Variants in SLC9A9 observed in about 807,000 individuals in gnomAD.
SLC9A9 encodes the protein solute carrier family 9 member A9, also known as sodium/hydrogen exchanger 9.
In SLC9A9, 62 loss-of-function variants were observed where a neutral mutation model predicts 77.8. That is an observed-to-expected ratio of 0.80 (90% CI 0.65 to 0.98). The LOEUF (loss-of-function observed/expected upper bound fraction) is 0.98. Among genes scored for constraint, SLC9A9 ranks in the 50% least tolerant of loss-of-function variants. The pLI, the probability that SLC9A9 is intolerant of heterozygous loss-of-function variation, is 0.00. For missense variants in SLC9A9, 775 were observed against 774.9 expected, an observed-to-expected ratio of 1.00 and a Z score of 0.00; for synonymous variants, 320 against 283.5, an observed-to-expected ratio of 1.13 and a Z score of -1.29.
At chr3:143,831,982 T>G (rs1576758594) in intron 2 of SLC9A9, 37 bp downstream of exon 2, 1 of 1,558,434 alleles carries the variant, frequency 6.4e-7, no homozygotes, top group East Asian at 2.3e-5. Flanking sequence ...TTATTTATAC[T>G]GTAAAACAAA....
chr3:143,469,300 G>T (rs1383125399), intron 11 of SLC9A9, among the ~76,000 whole-genome samples: 2 of 152,158 alleles, frequency 1.3e-5, no homozygotes, highest in Non-Finnish European at 2.9e-5. Flanking sequence ...AAAATGGAAG[G>T]TCTCTCTTGG....
At chr3:143,326,636 C>G (rs1160041840) in intron 14 of SLC9A9, among the ~76,000 whole-genome samples, 1 of 152,160 alleles carries the variant, frequency 6.6e-6, no homozygotes. Flanking sequence ...TTAGAAAGCC[C>G]TTCCCCAACT....
chr3:143,719,603 A>G (rs542122945), intron 4 of SLC9A9, among the ~76,000 whole-genome samples: 2 of 152,336 alleles, frequency 1.3e-5, no homozygotes, highest in East Asian at 3.9e-4. Flanking sequence ...CAGGGCAGGT[A>G]TCATATGTTA....
chr3:143,796,583 C>T (rs940881388), intron 3 of SLC9A9, among the ~76,000 whole-genome samples: 60 of 152,078 alleles, frequency 3.9e-4, no homozygotes, highest in Admixed American at 1.8e-3. Context: ...AAGAACATCT[C>T]GATTCAGACA....
intron 9 of SLC9A9, among the ~76,000 whole-genome samples, chr3:143,508,788 G>A (rs2036069387): frequency 6.6e-6 from 1 of 151,944 alleles, no homozygotes; most frequent in Admixed American, 6.6e-5. Flanking sequence ...TCACTTTTGG[G>A]TCATCTTTTG....
At chr3:143,694,158 C>T (rs994157850) in intron 4 of SLC9A9, among the ~76,000 whole-genome samples, 4 of 152,034 alleles carry the variant, frequency 2.6e-5, no homozygotes, top group South Asian at 2.1e-4. Flanking sequence ...TGTTTAAACA[C>T]TCACGTGAAC....
At chr3:143,844,758 T>C (rs1206159166) in intron 1 of SLC9A9, among the ~76,000 whole-genome samples, 3 of 149,498 alleles carry the variant, frequency 2.0e-5, no homozygotes, top group South Asian at 2.2e-4. Flanking sequence ...TCTTTCTTTC[T>C]TTCTTTCTTT....
intron 11 of SLC9A9, among the ~76,000 whole-genome samples, chr3:143,476,538 A>G (rs750848734): frequency 6.6e-6 from 1 of 152,222 alleles, no homozygotes; most frequent in Non-Finnish European, 1.5e-5. Flanking sequence ...CGTGGGTAAG[A>G]TGGATGTAAT....
chr3:143,458,009 A>G (rs1018080623), intron 12 of SLC9A9, among the ~76,000 whole-genome samples: 2 of 152,178 alleles, frequency 1.3e-5, no homozygotes, highest in Non-Finnish European at 2.9e-5. Context: ...TACTTGTTAT[A>G]TCAGTTACTC....
intron 5 of SLC9A9, among the ~76,000 whole-genome samples, chr3:143,672,364 T>A (rs1352638727): frequency 6.6e-6 from 1 of 151,854 alleles, no homozygotes; most frequent in African/African-American, 2.4e-5. Context: ...AAAGATGTGA[T>A]CCAAACAAAA....
chr3:143,524,125 G>C (rs1245481707), intron 9 of SLC9A9, among the ~76,000 whole-genome samples: 2 of 151,970 alleles, frequency 1.3e-5, no homozygotes, highest in African/African-American at 2.4e-5. Flanking sequence ...AGTGAAGAGA[G>C]GGGTTTTGAA....
intron 9 of SLC9A9, 49 bp from the exon 10 acceptor site, chr3:143,495,497 A>G (rs751081870): frequency 1.5e-6 from 2 of 1,378,102 alleles, no homozygotes; most frequent in South Asian, 1.2e-5. Context: ...CTCAGGTTTG[A>G]GTGCACTTAC....
intron 12 of SLC9A9, among the ~76,000 whole-genome samples, chr3:143,423,921 C>T (rs2034357069): frequency 6.6e-6 from 1 of 152,164 alleles, no homozygotes; most frequent in South Asian, 2.1e-4. Flanking sequence ...TGAATGTAAT[C>T]ATGAGGAAGT....
intron 7 of SLC9A9, among the ~76,000 whole-genome samples, chr3:143,576,666 G>A (rs1466890509): frequency 2.0e-5 from 3 of 152,116 alleles, no homozygotes; most frequent in Admixed American, 6.5e-5. Flanking sequence ...CTCACTCTCC[G>A]GGTTTACTTG....
At chr3:143,697,333 A>G (rs928726145) in intron 4 of SLC9A9, among the ~76,000 whole-genome samples, 7 of 152,294 alleles carry the variant, frequency 4.6e-5, no homozygotes, top group Admixed American at 2.0e-4. Context: ...AATAGTGGTT[A>G]TATAATAGAA....
At chr3:143,786,985 C>G (rs1284869459) in intron 4 of SLC9A9, among the ~76,000 whole-genome samples, 2 of 152,122 alleles carry the variant, frequency 1.3e-5, no homozygotes, top group Non-Finnish European at 2.9e-5. Context: ...AAGGTGAAGA[C>G]AGCTGGGAAA....
intron 5 of SLC9A9, among the ~76,000 whole-genome samples, chr3:143,688,527 C>T (rs1933353522): frequency 6.6e-6 from 1 of 152,078 alleles, no homozygotes; most frequent in Admixed American, 6.6e-5. Context: ...AAGAGAACAA[C>T]CTTAACTAGC....
At chr3:143,653,298 T>C (rs2038831410) in intron 5 of SLC9A9, among the ~76,000 whole-genome samples, 1 of 152,172 alleles carries the variant, frequency 6.6e-6, no homozygotes, top group African/African-American at 2.4e-5. Context: ...ACACACTGAT[T>C]ATCTGTGTTC....
intron 5 of SLC9A9, among the ~76,000 whole-genome samples, chr3:143,668,861 A>G (rs2039115250): frequency 6.6e-6 from 1 of 152,176 alleles, no homozygotes; most frequent in South Asian, 2.1e-4. Flanking sequence ...TTTCAGTGCA[A>G]AATAATAAAT....
Sources: gnomAD v4.1 joint callset for allele counts (sites outside exome capture counted in the v4.1 genomes callset) on GRCh38, gnomAD v4.1.1 for gene constraint, MANE v1.5 for transcripts, NCBI Gene and HGNC (gene_info 2026-07-23, HGNC 2026-07-21) for gene names.